Variants in CADM1 observed in about 807,000 individuals in gnomAD.
CADM1 encodes the protein TSLC-1.
CADM1 carries 15 observed loss-of-function variants against 53.1 expected under a neutral mutation model. The ratio of observed to expected loss-of-function variants is 0.28; its 90% CI spans 0.19 to 0.44. CADM1 has a LOEUF of 0.44. Among genes scored for constraint, CADM1 ranks in the 20% least tolerant of loss-of-function variants. The probability of loss-of-function intolerance (pLI) is 1.00; values close to 1 mark genes in which losing one functional copy is unlikely to be tolerated. For missense variants in CADM1, 434 were observed against 611.3 expected, an observed-to-expected ratio of 0.71 and a Z score of 3.06; for synonymous variants, 281 against 243.0, an observed-to-expected ratio of 1.16 and a Z score of -1.45.
chr11:115,177,314 A>G (rs1472117438), intron 11 of CADM1, among the ~76,000 whole-genome samples: 2 of 152,200 alleles, frequency 1.3e-5, no homozygotes, highest in African/African-American at 4.8e-5. Context: ...TATAATGACA[A>G]TAGACAGACA....
At chr11:115,482,100 T>C (rs1028782015) in intron 1 of CADM1, among the ~76,000 whole-genome samples, 2 of 152,190 alleles carry the variant, frequency 1.3e-5, no homozygotes, top group African/African-American at 4.8e-5. Context: ...CCCCATGCTT[T>C]TGTCTTTCCG....
chr11:115,290,851 C>G (rs1419563598), intron 1 of CADM1, among the ~76,000 whole-genome samples: 2 of 152,150 alleles, frequency 1.3e-5, no homozygotes, highest in Non-Finnish European at 2.9e-5. Flanking sequence ...TCATAAAAAA[C>G]TCTATATTTA....
At chr11:115,503,753 T>C (rs1326925007) in intron 1 of CADM1, among the ~76,000 whole-genome samples, 1 of 150,418 alleles carries the variant, frequency 6.6e-6, no homozygotes, top group African/African-American at 2.5e-5. Flanking sequence ...AGTCTGGGGA[T>C]GTCCTGGGGA....
chr11:115,379,550 C>T (rs1249758494), intron 1 of CADM1, among the ~76,000 whole-genome samples: 1 of 152,208 alleles, frequency 6.6e-6, no homozygotes, highest in African/African-American at 2.4e-5. Flanking sequence ...TATTCACTGA[C>T]TGACAAAGTA....
chr11:115,241,676 T>C (rs1942236224), intron 1 of CADM1, among the ~76,000 whole-genome samples: 1 of 152,208 alleles, frequency 6.6e-6, no homozygotes, highest in Admixed American at 6.5e-5. Context: ...GCTGCTATCA[T>C]CATCATCGTC....
chr11:115,321,475 A>T (rs1045225094), intron 1 of CADM1, among the ~76,000 whole-genome samples: 52 of 152,354 alleles, frequency 3.4e-4, no homozygotes, highest in African/African-American at 1.2e-3. Context: ...TTCTCTGAGC[A>T]CTTTAATACA....
rs891853333 is a variant in CADM1 at position 115,198,875 on chromosome 11, C to A, written c.1079-437G>T. On this transcript the variant is annotated intron_variant, in intron 8 of 11. Coordinates refer to ENST00000331581, the MANE Select transcript of CADM1 (RefSeq NM_001301043.2). ...CATTCAAACATTGCCTTTGTTTTAACCCAACCCACCCGGGCACTTGGGCTT... is the reference window on the plus strand; with the variant it reads ...CATTCAAACATTGCCTTTGTTTTAAACCAACCCACCCGGGCACTTGGGCTT... Among the ~76,000 whole-genome samples, 6 of 152,190 alleles carry A rather than the reference C, an allele frequency of 3.9e-5. No homozygotes were observed. The South Asian group carries it at 6.2e-4, about 16-fold the overall frequency.
intron 1 of CADM1, among the ~76,000 whole-genome samples, chr11:115,301,424 A>G (rs529738567): frequency 6.6e-6 from 1 of 152,210 alleles, no homozygotes; most frequent in Non-Finnish European, 1.5e-5. Flanking sequence ...CAGTCCTCTT[A>G]CTAGTCTTAC....
chr11:115,238,883 T>TATATATATATGCACACAC (rs771076955), intron 2 of CADM1, among the ~76,000 whole-genome samples: 6 of 147,100 alleles, frequency 4.1e-5, no homozygotes, highest in Non-Finnish European at 8.9e-5. Context: ...TATGCACACA[T>TATATATATATGCACACAC]ATATATATAT....
At chr11:115,195,915 T>G (rs987172694) in intron 9 of CADM1, among the ~76,000 whole-genome samples, 4 of 152,228 alleles carry the variant, frequency 2.6e-5, no homozygotes, top group African/African-American at 9.6e-5. Flanking sequence ...AAAGAATGTA[T>G]TTATAAGTGT....
chr11:115,361,891 TTTTG>T (rs141684368), intron 1 of CADM1, among the ~76,000 whole-genome samples: 51,350 of 147,254 alleles, frequency 0.35, 9,094 homozygotes, highest in Non-Finnish European at 0.42. Context: ...ACACCCGAGT[TTTTG>T]TTTTGTTTTG....
Position 115,169,624 on chromosome 11 carries a change from G to A in CADM1, c.*6850C>T. ...CTGGGAGAGGAGGTTAGAGAAAACA[G>A]GCCTAGAGAGAGGGAGAGAAAGAGA... On this transcript the variant is annotated 3_prime_UTR_variant, in exon 12 of 12. Coordinates refer to ENST00000331581, the MANE Select transcript of CADM1 (RefSeq NM_001301043.2). The A allele has an allele frequency of 2.2e-6, 1 of 456,648 alleles. No homozygotes were observed. The highest frequency in any genetic ancestry group is 1.5e-5 in the South Asian group (1 of 64,562). 28.3% of individuals were successfully genotyped at this position (456,648 alleles called of 1,614,324 possible). A position where few individuals can be genotyped will look rare whatever the true frequency, so the allele number is the denominator to read the frequency against.
chr11:115,235,756 A>C (rs1941988534), intron 3 of CADM1, among the ~76,000 whole-genome samples: 1 of 152,212 alleles, frequency 6.6e-6, no homozygotes, highest in African/African-American at 2.4e-5. Context: ...CTGGAATCTT[A>C]AGAACGAACA....
intron 1 of CADM1, among the ~76,000 whole-genome samples, chr11:115,333,926 C>G (rs1204653938): frequency 1.3e-5 from 2 of 152,112 alleles, no homozygotes; most frequent in African/African-American, 4.8e-5. Context: ...GACCAGTGGG[C>G]CTTCATTCTA....
chr11:115,309,754 T>G (rs1205303663), intron 1 of CADM1, among the ~76,000 whole-genome samples: 1 of 152,130 alleles, frequency 6.6e-6, no homozygotes, highest in Non-Finnish European at 1.5e-5. Context: ...ACTCAATCTC[T>G]GTGAACCTCC....
At chr11:115,443,555 A>C (rs972344246) in intron 1 of CADM1, among the ~76,000 whole-genome samples, 1 of 152,166 alleles carries the variant, frequency 6.6e-6, no homozygotes, top group South Asian at 2.1e-4. Context: ...TGCATGTAAA[A>C]TTTTTCTATA....
chr11:115,499,077 T>G (rs1949679652), intron 1 of CADM1, among the ~76,000 whole-genome samples: 1 of 152,128 alleles, frequency 6.6e-6, no homozygotes, highest in South Asian at 2.1e-4. Flanking sequence ...AAAGTCATCC[T>G]TCGAAAATAA....
intron 1 of CADM1, among the ~76,000 whole-genome samples, chr11:115,328,718 A>ACGCG (rs1258696748): frequency 6.1e-5 from 6 of 98,042 alleles, no homozygotes; most frequent in African/African-American, 2.2e-4. Flanking sequence ...ATATATGTGT[A>ACGCG]TATATATGTA....
chr11:115,299,151 C>T (rs11215475), intron 1 of CADM1, among the ~76,000 whole-genome samples: 32,081 of 152,106 alleles, frequency 0.21, 5,001 homozygotes, highest in East Asian at 0.65. Flanking sequence ...CTGGGCCTGA[C>T]TGCCCGTGAA....
Sources: gnomAD v4.1 joint callset for allele counts (sites outside exome capture counted in the v4.1 genomes callset) on GRCh38, gnomAD v4.1.1 for gene constraint, MANE v1.5 for transcripts, NCBI Gene and HGNC (gene_info 2026-07-23, HGNC 2026-07-21) for gene names.